Variants in MAML2 observed in about 807,000 individuals in gnomAD.
MAML2 encodes the protein mastermind-like protein 2.
In MAML2, 22 loss-of-function variants were observed where a neutral mutation model predicts 96.1. The observed-to-expected ratio is 0.23, with a 90% CI of 0.16 to 0.33. MAML2 has a LOEUF of 0.33. Among genes scored for constraint, MAML2 ranks in the 10% least tolerant of loss-of-function variants. The probability of loss-of-function intolerance (pLI) is 1.00; values close to 1 mark genes in which losing one functional copy is unlikely to be tolerated. For missense variants in MAML2, 1,367 were observed against 1,392.4 expected, an observed-to-expected ratio of 0.98 and a Z score of 0.29; for synonymous variants, 561 against 521.3, an observed-to-expected ratio of 1.08 and a Z score of -1.04.
At chr11:96,088,136 T>C (rs1859648162) in intron 2 of MAML2, among the ~76,000 whole-genome samples, 1 of 152,212 alleles carries the variant, frequency 6.6e-6, no homozygotes, top group South Asian at 2.1e-4. Flanking sequence ...TAGAGAAGGA[T>C]AAACTTGGCT....
chr11:96,080,560 C>T (rs562549812), intron 2 of MAML2, among the ~76,000 whole-genome samples: 4 of 152,224 alleles, frequency 2.6e-5, no homozygotes, highest in South Asian at 4.1e-4. Context: ...AAGGTAAAAT[C>T]CTTAGCAGCA....
intron 1 of MAML2, among the ~76,000 whole-genome samples, chr11:96,108,585 A>C (rs1318232276): frequency 2.0e-5 from 3 of 152,214 alleles, no homozygotes; most frequent in African/African-American, 7.2e-5. Context: ...GGTAATATAA[A>C]GATTAAATAA....
At chr11:96,120,807 T>C (rs1351472924) in intron 1 of MAML2, among the ~76,000 whole-genome samples, 3 of 152,188 alleles carry the variant, frequency 2.0e-5, no homozygotes, top group African/African-American at 7.2e-5. Context: ...ATGATGATGA[T>C]GATCAGTGAG....
At chr11:96,067,192 T>C (rs1018172450) in intron 2 of MAML2, among the ~76,000 whole-genome samples, 20 of 152,232 alleles carry the variant, frequency 1.3e-4, no homozygotes, top group Admixed American at 5.2e-4. Context: ...AACACTAGCC[T>C]TGCCCTTCAG....
intron 1 of MAML2, among the ~76,000 whole-genome samples, chr11:96,122,428 G>A (rs906566993): frequency 6.6e-6 from 1 of 151,888 alleles, no homozygotes; most frequent in Non-Finnish European, 1.5e-5. Context: ...CATAAAGAAC[G>A]GGAAAGAAAG....
At chr11:96,001,032 T>C (rs1417615359) in intron 2 of MAML2, among the ~76,000 whole-genome samples, 2 of 152,180 alleles carry the variant, frequency 1.3e-5, no homozygotes, top group Non-Finnish European at 2.9e-5. Flanking sequence ...AATAGGAAAT[T>C]TTCTTTACTT....
At chr11:96,038,412 ATGT>A (rs1858753224) in intron 2 of MAML2, among the ~76,000 whole-genome samples, 1 of 152,248 alleles carries the variant, frequency 6.6e-6, no homozygotes, top group African/African-American at 2.4e-5. Context: ...ATCTTAGGAA[ATGT>A]TGATCTAAGG....
At chr11:96,339,881 A>C (rs1863968854) in intron 1 of MAML2, among the ~76,000 whole-genome samples, 1 of 152,200 alleles carries the variant, frequency 6.6e-6, no homozygotes, top group Non-Finnish European at 1.5e-5. Context: ...GAGAAGCGGG[A>C]ATAGAGCAGG....
intron 3 of MAML2, 136 bp downstream of exon 3, chr11:95,991,383 TG>T: frequency 1.3e-6 from 1 of 796,904 alleles, no homozygotes; most frequent in African/African-American, 1.7e-5. Context: ...ACTAAATGTA[TG>T]GAATTATCCT....
intron 1 of MAML2, among the ~76,000 whole-genome samples, chr11:96,215,723 G>A (rs1246272586): frequency 1.3e-5 from 2 of 151,448 alleles, no homozygotes; most frequent in East Asian, 2.0e-4. Flanking sequence ...GCTGGGCAGA[G>A]CCCAGCTGCA....
intron 1 of MAML2, among the ~76,000 whole-genome samples, chr11:96,307,274 G>A (rs1193603878): frequency 6.6e-6 from 1 of 152,162 alleles, no homozygotes; most frequent in Non-Finnish European, 1.5e-5. Flanking sequence ...AGATAGCAAC[G>A]GAGATCAAGT....
At chr11:96,031,570 A>G (rs1359094940) in intron 2 of MAML2, among the ~76,000 whole-genome samples, 2 of 152,224 alleles carry the variant, frequency 1.3e-5, no homozygotes, top group East Asian at 3.8e-4. Context: ...AATGTGCAAT[A>G]AAGATTCACT....
At chr11:96,143,835 G>A (rs1860771939) in intron 1 of MAML2, among the ~76,000 whole-genome samples, 1 of 152,202 alleles carries the variant, frequency 6.6e-6, no homozygotes, top group Non-Finnish European at 1.5e-5. Flanking sequence ...GATTTCATGG[G>A]AAAATCTGTG....
chr11:96,102,116 G>A (rs1457980687), intron 1 of MAML2, among the ~76,000 whole-genome samples: 5 of 152,036 alleles, frequency 3.3e-5, no homozygotes, highest in Non-Finnish European at 5.9e-5. Context: ...CTCTACTAAA[G>A]ACACAAAAAA....
chr11:96,338,597 TC>T (rs1565288274), intron 1 of MAML2, among the ~76,000 whole-genome samples: 4 of 152,208 alleles, frequency 2.6e-5, no homozygotes, highest in African/African-American at 7.2e-5. Flanking sequence ...CCCACTGTCT[TC>T]AAGGCATTGT....
chr11:96,210,792 T>C (rs1014181581), intron 1 of MAML2, among the ~76,000 whole-genome samples: 5 of 152,214 alleles, frequency 3.3e-5, no homozygotes, highest in African/African-American at 9.6e-5. Flanking sequence ...TGTTCAACAA[T>C]TAACTGCATA....
intron 1 of MAML2, among the ~76,000 whole-genome samples, chr11:96,305,313 A>G (rs993136453): frequency 2.0e-5 from 3 of 152,206 alleles, no homozygotes; most frequent in African/African-American, 4.8e-5. Flanking sequence ...CCCACAGAAT[A>G]CAACACCAAG....
At position 96,082,000 on chromosome 11, in the gene MAML2, C is replaced by T. The variant is rs144673708; in HGVS notation, c.2139+9892G>A. Among the ~76,000 whole-genome samples, 380 of 152,142 alleles carry T rather than the reference C, an allele frequency of 2.5e-3. 3 individuals are homozygous for T. Among genetic ancestry groups the T allele is most frequent in the African/African-American group, 8.6e-3 (356 of 41,486 alleles). ...TTATACAGCCTACATATACACACAC[C>T]CCCATCGCATAACTTCTTTTCTTTC... On this transcript the variant is annotated intron_variant, in intron 2 of 4. Coordinates refer to ENST00000524717, the MANE Select transcript of MAML2 (RefSeq NM_032427.4).
chr11:96,296,095 C>A (rs544667973), intron 1 of MAML2, among the ~76,000 whole-genome samples: 1 of 151,980 alleles, frequency 6.6e-6, no homozygotes, highest in Non-Finnish European at 1.5e-5. Context: ...AGAGATGAGG[C>A]CTTGCTACAT....
Sources: gnomAD v4.1 joint callset for allele counts (sites outside exome capture counted in the v4.1 genomes callset) on GRCh38, gnomAD v4.1.1 for gene constraint, MANE v1.5 for transcripts, NCBI Gene and HGNC (gene_info 2026-07-23, HGNC 2026-07-21) for gene names.